Variants in ARFGEF1 observed in about 807,000 individuals in gnomAD.
ARFGEF1 encodes ARF guanine nucleotide exchange factor 1.
A neutral mutation model predicts 231.0 loss-of-function variants in ARFGEF1; 42 were observed. That is an observed-to-expected ratio of 0.18 (90% CI 0.14 to 0.24). The LOEUF (loss-of-function observed/expected upper bound fraction) is 0.24, where lower values mean the gene tolerates loss of function less well. ARFGEF1 is among the 10% of genes least tolerant of loss of function. ARFGEF1 has a pLI of 1.00. For missense variants in ARFGEF1, 1,345 were observed against 2,192.0 expected (o/e 0.61, Z 7.72); for synonymous variants, 710 against 732.3 (o/e 0.97, Z 0.49).
At chr8:67,200,657 G>T in intron 37 of ARFGEF1, 144 bp from the exon 38 acceptor site, 1 of 607,046 alleles carries the variant, frequency 1.6e-6, no homozygotes, top group Non-Finnish European at 2.9e-6. Context: ...TAGCTGGAGT[G>T]TCAACATAAA....
intron 7 of ARFGEF1, among the ~76,000 whole-genome samples, chr8:67,281,637 T>C (rs1003862884): frequency 1.3e-5 from 2 of 151,956 alleles, no homozygotes; most frequent in African/African-American, 4.8e-5. Context: ...AAGGTATAAA[T>C]GCTGTAAAGG....
intron 2 of ARFGEF1, 35 bp from the exon 3 acceptor site, chr8:67,301,415 C>A (rs1806483683): frequency 6.4e-7 from 1 of 1,574,232 alleles, no homozygotes; most frequent in Non-Finnish European, 8.6e-7. Context: ...TATAGCGTAT[C>A]ACATTTATAA....
chr8:67,323,769 T>A (rs1807701198), intron 1 of ARFGEF1, among the ~76,000 whole-genome samples: 1 of 152,128 alleles, frequency 6.6e-6, no homozygotes, highest in African/African-American at 2.4e-5. Flanking sequence ...TTATTAACAG[T>A]CTCACTGCCT....
chr8:67,236,361 AAAAAATATATATATATATATATATAT>A (rs1173759704), intron 22 of ARFGEF1, among the ~76,000 whole-genome samples: 1 of 42,078 alleles, frequency 2.4e-5, no homozygotes, highest in Non-Finnish European at 4.3e-5. Flanking sequence ...AAAAAAAAAA[AAAAAATATATATATATATATATATAT>A]ATATATATAT....
At chr8:67,236,111 A>T (rs1839726224) in intron 22 of ARFGEF1, among the ~76,000 whole-genome samples, 2 of 151,272 alleles carry the variant, frequency 1.3e-5, no homozygotes, top group African/African-American at 2.4e-5. Flanking sequence ...CCTGGCCAAC[A>T]TGGTGAAACC....
chr8:67,219,662 A>T, intron 29 of ARFGEF1, 102 bp from the exon 30 acceptor site: 1 of 1,265,936 alleles, frequency 7.9e-7, no homozygotes, highest in Non-Finnish European at 1.1e-6. Flanking sequence ...AGAAAGCTTA[A>T]AACTAGTCTG....
At chr8:67,336,955 C>T (rs1808369943) in intron 1 of ARFGEF1, among the ~76,000 whole-genome samples, 1 of 151,182 alleles carries the variant, frequency 6.6e-6, no homozygotes, top group South Asian at 2.1e-4. Context: ...ACGGTGAAAC[C>T]CCATCTCTAA....
intron 1 of ARFGEF1, among the ~76,000 whole-genome samples, chr8:67,331,932 T>TA (rs1393309211): frequency 1.3e-5 from 2 of 152,126 alleles, no homozygotes; most frequent in African/African-American, 4.8e-5. Context: ...ATCAAAATCT[T>TA]AAGAGTTTAT....
intron 1 of ARFGEF1, among the ~76,000 whole-genome samples, chr8:67,303,062 T>C (rs1806574179): frequency 6.6e-6 from 1 of 151,380 alleles, no homozygotes; most frequent in Non-Finnish European, 1.5e-5. Context: ...TAGACTCCAC[T>C]ACAATCCAGC....
intron 1 of ARFGEF1, among the ~76,000 whole-genome samples, chr8:67,338,225 C>A (rs1263320851): frequency 2.0e-5 from 3 of 152,170 alleles, no homozygotes; most frequent in Non-Finnish European, 4.4e-5. Flanking sequence ...ACTATTAACA[C>A]ATCTACTACT....
chr8:67,181,651 A>T (rs902922643), intron 5 of ARFGEF1, among the ~76,000 whole-genome samples: 11 of 152,186 alleles, frequency 7.2e-5, no homozygotes, highest in Non-Finnish European at 1.2e-4. Context: ...GCATTATTTT[A>T]AAAAATAGGG....
At chr8:67,340,434 T>C (rs1032534471) in intron 1 of ARFGEF1, among the ~76,000 whole-genome samples, 1 of 152,212 alleles carries the variant, frequency 6.6e-6, no homozygotes, top group Non-Finnish European at 1.5e-5. Flanking sequence ...GCCACATAGA[T>C]TACCAACAGA....
chr8:67,262,281 C>T (rs1804660194), intron 14 of ARFGEF1, among the ~76,000 whole-genome samples: 2 of 152,144 alleles, frequency 1.3e-5, no homozygotes, highest in Admixed American at 1.3e-4. Context: ...GAAGTAACTG[C>T]AGATGTGGTA....
downstream of ARFGEF1, chr8:67,193,569 CTGAA>C: frequency 1.9e-6 from 3 of 1,613,694 alleles, no homozygotes; most frequent in Non-Finnish European, 2.5e-6. Context: ...AATGCGAAGA[CTGAA>C]TGAATTTCAC....
At chr8:67,177,373 T>C (rs1414363854) in intron 5 of ARFGEF1, among the ~76,000 whole-genome samples, 1 of 152,176 alleles carries the variant, frequency 6.6e-6, no homozygotes, top group Non-Finnish European at 1.5e-5. Context: ...TTTCTACAGA[T>C]TGTAGAAATC....
chr8:67,238,678 T>A, intron 21 of ARFGEF1, 57 bp downstream of exon 21: 1 of 1,573,694 alleles, frequency 6.4e-7, no homozygotes, highest in Non-Finnish European at 8.7e-7. Context: ...GATGGACTAT[T>A]TAGCATTAGC....
At chr8:67,203,337 T>C in intron 35 of ARFGEF1, 86 bp from the exon 36 acceptor site, 1 of 1,470,292 alleles carries the variant, frequency 6.8e-7, no homozygotes, top group Non-Finnish European at 9.3e-7. Flanking sequence ...AAAGACCAGT[T>C]TTACAAGAAA....
intron 7 of ARFGEF1, among the ~76,000 whole-genome samples, chr8:67,285,619 T>C (rs1032906982): frequency 4.6e-5 from 7 of 152,278 alleles, no homozygotes; most frequent in East Asian, 1.9e-4. Flanking sequence ...GTGAAAAATG[T>C]TCCTTTACAG....
chr8:67,282,242 G>C (rs936126682), intron 7 of ARFGEF1, among the ~76,000 whole-genome samples: 1 of 151,990 alleles, frequency 6.6e-6, no homozygotes, highest in Non-Finnish European at 1.5e-5. Context: ...TAGACAAATA[G>C]CTCATTACAA....
Sources: gnomAD v4.1 joint callset for allele counts (sites outside exome capture counted in the v4.1 genomes callset) on GRCh38, gnomAD v4.1.1 for gene constraint, MANE v1.5 for transcripts, NCBI Gene and HGNC (gene_info 2026-07-23, HGNC 2026-07-21) for gene names.